Variants in GOT1 observed in about 807,000 individuals in gnomAD.
GOT1 encodes glutamic-oxaloacetic transaminase 1.
A neutral mutation model predicts 48.2 loss-of-function variants in GOT1; 25 were observed. That is an observed-to-expected ratio of 0.52 (90% confidence interval 0.38 to 0.72). GOT1 has a LOEUF of 0.72. GOT1 is among the 30% of genes least tolerant of loss of function. The pLI, the probability that GOT1 is intolerant of heterozygous loss-of-function variation, is 0.00. For synonymous variants in GOT1, 188 were observed against 193.8 expected (o/e 0.97, Z 0.25); for missense variants, 380 against 520.1 (o/e 0.73, Z 2.62).
intron 5 of GOT1, among the ~76,000 whole-genome samples, chr10:99,404,827 G>A (rs2032732361): frequency 6.6e-6 from 1 of 152,068 alleles, no homozygotes; most frequent in South Asian, 2.1e-4. Flanking sequence ...CACTCCCCAT[G>A]ATGTCTGCCT....
At chr10:99,405,520 GACACACACACACACAC>G (rs138777645) in intron 5 of GOT1, among the ~76,000 whole-genome samples, 2 of 143,592 alleles carry the variant, frequency 1.4e-5, no homozygotes, top group Non-Finnish European at 3.1e-5. Flanking sequence ...CATAAAACTA[GACACACACACACACAC>G]ACACACACAC....
chr10:99,420,713 A>G lies in GOT1; in HGVS notation c.211T>C (p.Tyr71His). 6.2e-7 allele frequency: 1 copy of G among 1,613,954 alleles called. No homozygotes were observed. Among genetic ancestry groups the G allele is most frequent in the East Asian group, 2.2e-5 (1 of 44,878 alleles). The change falls in exon 2 of 9, where the codon TAT becomes CAT. Residue 71 changes from tyrosine (Y) to histidine (H), a missense_variant. Tyr to His is a moderately conservative substitution (Grantham distance 83). Transcript: ENST00000370508. The part of the protein sequence containing the change: ...IANDNSLNHE[Y>H]LPILGLAEFR... ...TCAGCCAGGCCCAGGATTGGCAGAT[A>G]CTCGTGATTTAGGCTATTGTCATTA...
rs118020653 is a variant in GOT1 at position 99,422,576 on chromosome 10, A to G, written c.119-1771T>C. On this transcript the variant is annotated intron_variant, in intron 1 of 8. Transcript: ENST00000370508. ...TTTCCTCCTCATTAACTATTCTTCTAATAGGTGACATGTTTGCATGTCTCC... is the reference window on the plus strand; with the variant it reads ...TTTCCTCCTCATTAACTATTCTTCTGATAGGTGACATGTTTGCATGTCTCC... Among the ~76,000 whole-genome samples the G allele has an allele frequency of 3.9e-3, 598 of 152,310 alleles. 5 individuals carry two copies. The highest frequency in any genetic ancestry group is 5.6e-3 in the Non-Finnish European group (379 of 68,026).
At chr10:99,425,125 T>C (rs1203983469) in intron 1 of GOT1, among the ~76,000 whole-genome samples, 2 of 152,142 alleles carry the variant, frequency 1.3e-5, no homozygotes, top group Non-Finnish European at 2.9e-5. Context: ...ATTTGAGGAA[T>C]CAGAGAAGAT....
intron 1 of GOT1, among the ~76,000 whole-genome samples, chr10:99,428,419 G>A (rs909252630): frequency 1.3e-5 from 2 of 151,740 alleles, no homozygotes; most frequent in Non-Finnish European, 2.9e-5. Context: ...GTACAATGGC[G>A]TGATCTTGGC....
chr10:99,423,828 A>T (rs12253915), intron 1 of GOT1, among the ~76,000 whole-genome samples: 3,492 of 150,188 alleles, frequency 0.023, 110 homozygotes, highest in African/African-American at 0.075. Context: ...TTTTTTTTTT[A>T]AATTTTTCAT....
intron 2 of GOT1, among the ~76,000 whole-genome samples, chr10:99,409,813 A>C (rs1455985997): frequency 3.3e-5 from 5 of 152,266 alleles, no homozygotes; most frequent in Non-Finnish European, 5.9e-5. Flanking sequence ...CATTTAACCC[A>C]TAAGTCAGCT....
chr10:99,412,342 G>A (rs1054184679), intron 2 of GOT1, among the ~76,000 whole-genome samples: 9 of 151,950 alleles, frequency 5.9e-5, no homozygotes, highest in African/African-American at 2.2e-4. Flanking sequence ...GGGCGGTGGG[G>A]GTGGGGAGTG....
intron 2 of GOT1, 59 bp downstream of exon 2, chr10:99,420,565 C>G: frequency 7.8e-7 from 1 of 1,287,670 alleles, no homozygotes; most frequent in South Asian, 1.4e-5. Context: ...AAACTGTATT[C>G]TCAACATCTT....
In GOT1 at chr10:99,396,911, A is replaced by T. The variant is rs1332250486; in HGVS notation, c.*636T>A. On this transcript the variant is annotated 3_prime_UTR_variant, in exon 9 of 9. Transcript: ENST00000370508. Reference sequence around the variant, plus strand: ...TATTTTATTTTTTTAGGTGAAGTAGAACACAATAGAATGGCTCAAAAATAT... The same window carrying T: ...TATTTTATTTTTTTAGGTGAAGTAGTACACAATAGAATGGCTCAAAAATAT... The T allele has an allele frequency of 6.6e-6, 1 of 152,254 alleles. No individual in the cohort carries two copies. The highest frequency in any genetic ancestry group is 1.9e-4 in the East Asian group (1 of 5,206). 9.4% of individuals were successfully genotyped at this position (152,254 alleles called of 1,614,324 possible).
chr10:99,405,828 G>A lies in GOT1; in HGVS notation c.570C>T (p.His190=), dbSNP rs781754659. Residue 190 remains histidine, a synonymous_variant, in exon 5 of 9, where the codon CAC becomes CAT. Coordinates refer to ENST00000370508, the MANE Select transcript of GOT1 (RefSeq NM_002079.3). The stretch of plus-strand genomic sequence containing the variant: ...TCCCAGTTGGGTTGTGTGCACAGGC[G>A]TGGAGGACAACAATGGAGAACTCAG... ...NAPEFSIVVL[H]ACAHNPTGID... 2.6e-5 allele frequency: 42 copies of A among 1,609,472 alleles called. No homozygotes were observed. The highest frequency in any genetic ancestry group is 3.2e-5 in the Non-Finnish European group (38 of 1,175,818).
intron 1 of GOT1, among the ~76,000 whole-genome samples, chr10:99,424,565 G>T (rs1378908342): frequency 4.6e-5 from 7 of 152,074 alleles, no homozygotes; most frequent in Non-Finnish European, 8.8e-5. Context: ...TTATATTTAT[G>T]ATAATATGTC....
chr10:99,430,271 C>T (rs1180446603), intron 1 of GOT1, 177 bp downstream of exon 1: 1 of 1,542,804 alleles, frequency 6.5e-7, no homozygotes, highest in Non-Finnish European at 8.7e-7. Context: ...GACTCCACAC[C>T]TGCATCTGTA....
intron 2 of GOT1, among the ~76,000 whole-genome samples, chr10:99,410,117 T>C (rs2032811286): frequency 6.6e-6 from 1 of 152,240 alleles, no homozygotes; most frequent in South Asian, 2.1e-4. Flanking sequence ...TGATCCTTAC[T>C]GAGCACTCAT....
chr10:99,406,583 C>G, intron 3 of GOT1, 143 bp downstream of exon 3: 1 of 723,832 alleles, frequency 1.4e-6, no homozygotes, highest in Non-Finnish European at 2.3e-6. Flanking sequence ...GTTTCTCATG[C>G]ACTGCCATAA....
chr10:99,410,378 T>C (rs550143737), intron 2 of GOT1, among the ~76,000 whole-genome samples: 2 of 152,336 alleles, frequency 1.3e-5, no homozygotes, highest in Admixed American at 6.5e-5. Flanking sequence ...GGAAACACGA[T>C]AGATGCATAG....
At position 99,413,719 on chromosome 10, in the gene GOT1, CCGT is replaced by C. The variant is rs1292312131; in HGVS notation, c.301-6873_301-6871del. Among the ~76,000 whole-genome samples, 45 of 152,138 alleles carry C rather than the reference CCGT, an allele frequency of 3.0e-4. 1 individual carries two copies. The highest frequency in any genetic ancestry group is 2.9e-3 in the Admixed American group (45 of 15,284). On this transcript the variant is annotated intron_variant, in intron 2 of 8. Coordinates refer to ENST00000370508, the MANE Select transcript of GOT1 (RefSeq NM_002079.3). ...GGTCGGGTTACCCACAAAGGGAAGCCCGTCACACTAACAGCTGATCTCTCAGCA... is the reference window on the plus strand; with the variant it reads ...GGTCGGGTTACCCACAAAGGGAAGCCCACACTAACAGCTGATCTCTCAGCA...
Position 99,402,650 on chromosome 10 carries a change from G to A in GOT1, c.1032C>T (p.Ala344=). 1 of 1,613,974 alleles carries A rather than the reference G, an allele frequency of 6.2e-7. No individual in the cohort carries two copies. Among genetic ancestry groups the A allele is most frequent in the Non-Finnish European group, 8.5e-7 (1 of 1,179,834 alleles). The part of the protein sequence containing the change: ...MRSELRARLE[A]LKTPGTWNHI... ...GGTTCCAGGTCCCAGGGGTTTTGAG[G>A]GCTTCTAGTCGTGCCCTGAGTTCAG... Residue 344 remains alanine (A), a synonymous_variant, in exon 8 of 9, where the codon GCC becomes GCT. Coordinates refer to ENST00000370508, the MANE Select transcript of GOT1 (RefSeq NM_002079.3).
chr10:99,405,850 T>G lies in GOT1; in HGVS notation c.548A>C (p.Glu183Ala), dbSNP rs142860219. The G allele has an allele frequency of 3.8e-6, 6 of 1,591,432 alleles. No homozygotes were observed. The highest frequency in any genetic ancestry group is 5.2e-6 in the Non-Finnish European group (6 of 1,159,138). Reference sequence around the variant, plus strand: ...GGCGTGGAGGACAACAATGGAGAACTCAGGAGCATTCTGAGGAGAAGGAAG... The same window carrying G: ...GGCGTGGAGGACAACAATGGAGAACGCAGGAGCATTCTGAGGAGAAGGAAG... ...GFLNDLENAP[E>A]FSIVVLHACA... The change falls in exon 5 of 9, where the codon GAG becomes GCG. Residue 183 changes from glutamate (E) to alanine (A), a missense_variant. Glu to Ala is a moderately radical substitution (Grantham distance 107). Transcript: ENST00000370508.
Sources: allele counts gnomAD v4.1 joint callset (sites outside exome capture counted in the v4.1 genomes callset), GRCh38; gene constraint gnomAD v4.1.1; transcripts MANE v1.5; gene names NCBI Gene and HGNC (gene_info 2026-07-23, HGNC 2026-07-21).